Variants in NCKAP5 observed in about 807,000 individuals in gnomAD.
The protein encoded by NCKAP5 is nck-associated protein 5.
A neutral mutation model predicts 167.0 loss-of-function variants in NCKAP5; 92 were observed. The observed-to-expected ratio is 0.55, with a 90% CI of 0.47 to 0.66. The LOEUF (loss-of-function observed/expected upper bound fraction) is 0.66, where lower values mean the gene tolerates loss of function less well. Among genes scored for constraint, NCKAP5 ranks in the 30% least tolerant of loss-of-function variants. NCKAP5 has a pLI of 0.00. For synonymous variants in NCKAP5, 891 were observed against 877.4 expected, an observed-to-expected ratio of 1.02 and a Z score of -0.27; for missense variants, 2,378 against 2,315.0, an observed-to-expected ratio of 1.03 and a Z score of -0.56.
intron 7 of NCKAP5, among the ~76,000 whole-genome samples, chr2:132,964,531 T>G (rs56181221): frequency 0.15 from 23,352 of 152,088 alleles, 2,515 homozygotes; most frequent in East Asian, 0.47. Flanking sequence ...TTTTGAAAGT[T>G]GAGAAGTACT....
chr2:133,157,226 G>A (rs529766636), intron 5 of NCKAP5, among the ~76,000 whole-genome samples: 13 of 152,086 alleles, frequency 8.5e-5, no homozygotes, highest in East Asian at 7.7e-4. Flanking sequence ...GGTAACAAGC[G>A]GGCCCATCAA....
chr2:133,624,360 G>A, the NCKAP5 span, among the ~76,000 whole-genome samples: 2 of 151,974 alleles, frequency 1.3e-5, no homozygotes, highest in Non-Finnish European at 2.9e-5. Flanking sequence ...TCACTCCACC[G>A]AGTTCTGTTC....
intron 7 of NCKAP5, among the ~76,000 whole-genome samples, chr2:132,981,614 G>T (rs2077144743): frequency 6.6e-6 from 1 of 152,094 alleles, no homozygotes; most frequent in African/African-American, 2.4e-5. Flanking sequence ...TAAGTCTAAG[G>T]TTTCACCCAG....
intron 3 of NCKAP5, among the ~76,000 whole-genome samples, chr2:133,474,130 A>T (rs1679611966): frequency 6.9e-6 from 1 of 145,894 alleles, no homozygotes; most frequent in Admixed American, 6.7e-5. Flanking sequence ...CTATCTATCT[A>T]TCTATCTATC....
the NCKAP5 span, among the ~76,000 whole-genome samples, chr2:133,615,922 G>A: frequency 6.6e-6 from 1 of 151,136 alleles, no homozygotes; most frequent in Admixed American, 6.6e-5. Context: ...CTCAGCAAAT[G>A]TAAAAGAACA....
intron 3 of NCKAP5, among the ~76,000 whole-genome samples, chr2:133,361,481 A>T (rs1418725595): frequency 6.6e-6 from 1 of 152,240 alleles, no homozygotes; most frequent in Non-Finnish European, 1.5e-5. Context: ...CATTAAAATA[A>T]ATACTAAGCA....
intron 4 of NCKAP5, among the ~76,000 whole-genome samples, chr2:133,215,077 C>A (rs1333613685): frequency 6.6e-6 from 1 of 152,122 alleles, no homozygotes; most frequent in Non-Finnish European, 1.5e-5. Flanking sequence ...AGGAGACATT[C>A]CAGGTATACA....
At chr2:133,608,677 A>T in the NCKAP5 span, among the ~76,000 whole-genome samples, 2 of 152,182 alleles carry the variant, frequency 1.3e-5, no homozygotes, top group African/African-American at 4.8e-5. Context: ...CTCAATAATC[A>T]ATAATAGAGG....
chr2:132,860,893 C>CA (rs892950706), intron 10 of NCKAP5, among the ~76,000 whole-genome samples: 1 of 152,130 alleles, frequency 6.6e-6, no homozygotes, highest in African/African-American at 2.4e-5. Context: ...GATATGAAGT[C>CA]AATTTAAGTT....
intron 11 of NCKAP5, among the ~76,000 whole-genome samples, chr2:132,803,391 C>G (rs1327732162): frequency 2.0e-5 from 3 of 152,298 alleles, no homozygotes; most frequent in African/African-American, 7.2e-5. Context: ...GGTGCCTTGG[C>G]AAATGACATG....
chr2:133,218,660 A>C (rs1036825273), intron 4 of NCKAP5, among the ~76,000 whole-genome samples: 1 of 152,168 alleles, frequency 6.6e-6, no homozygotes, highest in African/African-American at 2.4e-5. Context: ...TTTAATATAT[A>C]TGTTAATGGT....
chr2:133,580,234 C>A, the NCKAP5 span, among the ~76,000 whole-genome samples: 1 of 152,190 alleles, frequency 6.6e-6, no homozygotes, highest in Non-Finnish European at 1.5e-5. Context: ...CCCATTCTAC[C>A]TCCTGACTCT....
intron 5 of NCKAP5, among the ~76,000 whole-genome samples, chr2:133,135,903 T>C (rs1352382229): frequency 3.3e-5 from 5 of 152,208 alleles, no homozygotes; most frequent in African/African-American, 4.8e-5. Flanking sequence ...CTAATATACT[T>C]CAGCTACTTT....
rs547669874 is a variant in NCKAP5 at position 133,243,942 on chromosome 2, T to C, written c.144-30163A>G. ...CTGCAATTCAGGGTCAAGAGTTTCC[T>C]TCTATTTACAAATATAAAAAATTAA... is the stretch of plus-strand genomic sequence containing the variant. On this transcript the variant is annotated intron_variant, in intron 4 of 19. Transcript: ENST00000409261. 6.6e-5 allele frequency among the ~76,000 whole-genome samples: 10 copies of C among 152,344 alleles called. No individual in the cohort carries two copies. The South Asian group carries it at 2.1e-3, about 32-fold the overall frequency.
At chr2:133,663,973 A>G in the NCKAP5 span, among the ~76,000 whole-genome samples, 1 of 152,196 alleles carries the variant, frequency 6.6e-6, no homozygotes, top group Non-Finnish European at 1.5e-5. Context: ...TGGCAGCTTT[A>G]GTCTTACAAA....
chr2:133,135,057 C>T (rs1424207956), intron 5 of NCKAP5, among the ~76,000 whole-genome samples: 2 of 152,144 alleles, frequency 1.3e-5, no homozygotes, highest in Non-Finnish European at 2.9e-5. Flanking sequence ...ACATGGTTCC[C>T]GGCTTCGTTA....
At chr2:133,131,983 G>A (rs187178877) in intron 5 of NCKAP5, among the ~76,000 whole-genome samples, 69 of 151,724 alleles carry the variant, frequency 4.5e-4, no homozygotes, top group Middle Eastern at 3.4e-3. Context: ...AAAAATGTAC[G>A]CTAAATAGTT....
intron 2 of NCKAP5, among the ~76,000 whole-genome samples, chr2:133,551,896 A>G (rs1687340029): frequency 7.3e-6 from 1 of 137,794 alleles, no homozygotes; most frequent in Non-Finnish European, 1.5e-5. Context: ...AGAAATTTAC[A>G]AGAAAAAAAC....
rs549034302 is a variant in NCKAP5 at position 133,186,560 on chromosome 2, G to A, written c.207+27156C>T. Among the ~76,000 whole-genome samples, 8 of 152,036 alleles carry A rather than the reference G, an allele frequency of 5.3e-5. No individual in the cohort carries two copies. The South Asian group carries it at 1.5e-3, about 28-fold the overall frequency. ...AGTTTTTGTACTTCTGGTAGAATTC[G>A]GCTATGACTCAATCTGGTCCAGGGC... On this transcript the variant is annotated intron_variant, in intron 5 of 19. Coordinates refer to ENST00000409261, the MANE Select transcript of NCKAP5 (RefSeq NM_207363.3).
Sources: gnomAD v4.1 joint callset for allele counts (sites outside exome capture counted in the v4.1 genomes callset) on GRCh38, gnomAD v4.1.1 for gene constraint, MANE v1.5 for transcripts, NCBI Gene and HGNC (gene_info 2026-07-23, HGNC 2026-07-21) for gene names.